The following EPHA10 variants were observed in gnomAD, a reference collection of about 807,000 sequenced individuals.
The protein encoded by EPHA10 is EPH receptor A10.
A neutral mutation model predicts 109.7 loss-of-function variants in EPHA10; 120 were observed. The observed-to-expected ratio is 1.09, with a 90% confidence interval of 0.94 to 1.27. The LOEUF (loss-of-function observed/expected upper bound fraction) is 1.27, where lower values mean the gene tolerates loss of function less well. EPHA10 is among the 50% of genes most tolerant of loss of function. The probability of loss-of-function intolerance (pLI) is 0.00; values close to 1 mark genes in which losing one functional copy is unlikely to be tolerated. For missense variants in EPHA10, 1,396 were observed against 1,411.1 expected (o/e 0.99, Z 0.17); for synonymous variants, 640 against 618.9 (o/e 1.03, Z -0.51).
chr1:37,735,106 G>T (rs990581756), intron 6 of EPHA10, 151 bp downstream of exon 6: 2 of 866,566 alleles, frequency 2.3e-6, no homozygotes, highest in African/African-American at 1.7e-5. Flanking sequence ...GGGAGGAGGG[G>T]GAGACTCGAG....
Position 37,723,037 on chromosome 1 carries a change from T to C in EPHA10, c.1960+4A>G. 1.9e-6 allele frequency: 3 copies of C among 1,614,062 alleles called. No individual in the cohort carries two copies. The highest frequency in any genetic ancestry group is 2.5e-6 in the Non-Finnish European group (3 of 1,180,010). On this transcript the variant is annotated splice_donor_region_variant and intron_variant, in intron 10 of 16. Transcript: ENST00000373048. The stretch of plus-strand genomic sequence containing the variant: ...GGACAAGGCTTCCTGGGCGCCCAGC[T>C]TGCCTCCTCCAAGGCTCCTCTCCAG...
At chr1:37,719,679 T>TGCACACACAC (rs1645755000) in intron 14 of EPHA10, 72 bp from the exon 15 acceptor site, 6 of 1,529,992 alleles carry the variant, frequency 3.9e-6, no homozygotes, top group Non-Finnish European at 5.4e-6. Context: ...CACACACACA[T>TGCACACACAC]GCACACACAC....
chr1:37,747,368 T>C (rs548823178), intron 5 of EPHA10, among the ~76,000 whole-genome samples: 1 of 151,958 alleles, frequency 6.6e-6, no homozygotes, highest in South Asian at 2.1e-4. Context: ...TTGGGCAACA[T>C]AGTGAGACCC....
At position 37,718,642 on chromosome 1, in the gene EPHA10, C is replaced by T. The variant is rs1367283517; in HGVS notation, c.2912+19G>A. 5.6e-6 allele frequency: 9 copies of T among 1,613,166 alleles called. No homozygotes were observed. The highest frequency in any genetic ancestry group is 7.6e-6 in the Non-Finnish European group (9 of 1,180,032). ...GGAATCCCCCAGCCCCGGCCTTGAC[C>T]TTGGTGCCTTGGACTCACTGGGCAG... On this transcript the variant is annotated intron_variant, in intron 16 of 16. Coordinates refer to ENST00000373048, the MANE Select transcript of EPHA10 (RefSeq NM_001099439.2).
intron 3 of EPHA10, 117 bp downstream of exon 3, chr1:37,761,288 A>G: frequency 5.9e-6 from 9 of 1,536,382 alleles, no homozygotes; most frequent in South Asian, 5.0e-5. Flanking sequence ...TCCAGAGTCC[A>G]AGGCTTCTCC....
intron 5 of EPHA10, among the ~76,000 whole-genome samples, chr1:37,742,711 C>T (rs761504865): frequency 1.5e-5 from 1 of 68,528 alleles, no homozygotes; most frequent in Non-Finnish European, 3.4e-5. Flanking sequence ...TAGGGCCCAG[C>T]ACTGTGGCTC....
Position 37,720,385 on chromosome 1 carries a change from G to A in EPHA10, c.2378C>T (p.Pro793Leu). The A allele has an allele frequency of 6.2e-7, 1 of 1,612,504 alleles. No homozygotes were observed. The highest frequency in any genetic ancestry group is 1.1e-5 in the South Asian group (1 of 90,944). The change falls in exon 13 of 17, where the codon CCC becomes CTC. Residue 793 changes from proline (P) to leucine (L), a missense_variant. Transcript: ENST00000373048. Reference sequence around the variant, plus strand: ...GTAGACAGCCTCTGATCGGTCCCGGGGGCCCCGCCCGAAGCCAGAGATCTT... The same window carrying A: ...GTAGACAGCCTCTGATCGGTCCCGGAGGCCCCGCCCGAAGCCAGAGATCTT... ...VCKISGFGRG[P>L]RDRSEAVYTT... is the part of the protein sequence containing the mutation.
At chr1:37,729,627 T>C (rs1645948575) in intron 7 of EPHA10, among the ~76,000 whole-genome samples, 1 of 151,792 alleles carries the variant, frequency 6.6e-6, no homozygotes, top group Non-Finnish European at 1.5e-5. Flanking sequence ...AAACCTGTGA[T>C]CCCAGCACTT....
rs779917109 is a variant in EPHA10 at position 37,731,393 on chromosome 1, C to T, written c.1663+18G>A. ...TTCTCTCTGTCTAGGTCCCTGTCCA[C>T]TCACACACACTACTTACCCTCCCCC... is the stretch of plus-strand genomic sequence containing the variant. On this transcript the variant is annotated intron_variant, in intron 7 of 16. Coordinates refer to ENST00000373048, the MANE Select transcript of EPHA10 (RefSeq NM_001099439.2). 49 of 1,575,338 alleles carry T rather than the reference C, an allele frequency of 3.1e-5. No individual in the cohort carries two copies. The highest frequency in any genetic ancestry group is 4.1e-5 in the Non-Finnish European group (47 of 1,158,240).
chr1:37,759,483 C>T (rs1186767582), intron 3 of EPHA10, among the ~76,000 whole-genome samples: 1 of 152,212 alleles, frequency 6.6e-6, no homozygotes, highest in African/African-American at 2.4e-5. Flanking sequence ...TTCTCCCTTC[C>T]ATGCTTCCTT....
chr1:37,752,386 G>T (rs1033663821), intron 5 of EPHA10, among the ~76,000 whole-genome samples: 7 of 152,150 alleles, frequency 4.6e-5, no homozygotes, highest in Admixed American at 2.6e-4. Context: ...AGGGTTGGAG[G>T]TAAGGGACAC....
At chr1:37,758,894 C>G (rs1297397941) in intron 3 of EPHA10, among the ~76,000 whole-genome samples, 1 of 152,074 alleles carries the variant, frequency 6.6e-6, no homozygotes, top group Non-Finnish European at 1.5e-5. Flanking sequence ...GTGAATGATC[C>G]CTCTGTCCAT....
rs538670712 is a variant in EPHA10 at position 37,734,465 on chromosome 1, C to T, written c.1491+792G>A. On this transcript the variant is annotated intron_variant, in intron 6 of 16. Transcript: ENST00000373048. Reference sequence around the variant, plus strand: ...AGGAGAATCACTTGAACCTGGGAGACGGAGGTTGCAGTGAGCCGAGATCAT... The same window carrying T: ...AGGAGAATCACTTGAACCTGGGAGATGGAGGTTGCAGTGAGCCGAGATCAT... 16 of 349,862 alleles carry T rather than the reference C, an allele frequency of 4.6e-5. No individual in the cohort carries two copies. In the East Asian group the frequency reaches 6.5e-4, roughly 14 times the overall value. 21.7% of individuals were successfully genotyped at this position (349,862 alleles called of 1,614,324 possible).
intron 6 of EPHA10, among the ~76,000 whole-genome samples, chr1:37,732,441 C>T (rs1277099906): frequency 6.6e-6 from 1 of 152,164 alleles, no homozygotes; most frequent in Non-Finnish European, 1.5e-5. Context: ...TATCCACAGC[C>T]CCAGAAAGTT....
chr1:37,739,099 A>G (rs1218826382), intron 5 of EPHA10, among the ~76,000 whole-genome samples: 1 of 152,184 alleles, frequency 6.6e-6, no homozygotes, highest in African/African-American at 2.4e-5. Flanking sequence ...TTGTATACCT[A>G]TGTAACAAAC....
At position 37,720,411 on chromosome 1, in the gene EPHA10, G is replaced by A; in HGVS notation, c.2352C>T (p.Cys784=). The A allele has an allele frequency of 6.2e-7, 1 of 1,613,428 alleles. No homozygotes were observed. Among genetic ancestry groups the A allele is most frequent in the Non-Finnish European group, 8.5e-7 (1 of 1,180,000 alleles). Residue 784 remains cysteine, a synonymous_variant, in exon 13 of 17, where the codon TGC becomes TGT. Coordinates refer to ENST00000373048, the MANE Select transcript of EPHA10 (RefSeq NM_001099439.2). ...RHVLVSSDLV[C]KISGFGRGPR... is the part of the protein sequence containing the mutation. Reference sequence around the variant, plus strand: ...GGCCCCGCCCGAAGCCAGAGATCTTGCAGACAAGGTCGCTGCTGACCAGCA... The same window carrying A: ...GGCCCCGCCCGAAGCCAGAGATCTTACAGACAAGGTCGCTGCTGACCAGCA...
chr1:37,731,868 C>T (rs568670598), intron 6 of EPHA10, among the ~76,000 whole-genome samples: 21 of 152,310 alleles, frequency 1.4e-4, no homozygotes, highest in African/African-American at 2.4e-4. Context: ...ATCCTCCTTC[C>T]GGGGGATGAT....
chr1:37,738,761 A>G (rs140748299), intron 5 of EPHA10, among the ~76,000 whole-genome samples: 60 of 152,330 alleles, frequency 3.9e-4, no homozygotes, highest in African/African-American at 1.4e-3. Flanking sequence ...CTAAATGTCC[A>G]TAAGTGGATA....
chr1:37,743,065 T>A (rs2148348464), intron 5 of EPHA10, among the ~76,000 whole-genome samples: 1 of 152,190 alleles, frequency 6.6e-6, no homozygotes, highest in East Asian at 1.9e-4. Context: ...TACTTGCAGC[T>A]GAAAACCTCA....
Sources: gnomAD v4.1 joint callset for allele counts (sites outside exome capture counted in the v4.1 genomes callset) on GRCh38, gnomAD v4.1.1 for gene constraint, MANE v1.5 for transcripts, NCBI Gene and HGNC (gene_info 2026-07-23, HGNC 2026-07-21) for gene names.